KCNQ1: variants seen among roughly 807,000 people sequenced by gnomAD.
KCNQ1 encodes the protein potassium voltage-gated channel subfamily Q member 1.
In KCNQ1, 49 loss-of-function variants were observed where a neutral mutation model predicts 72.4. The ratio of observed to expected loss-of-function variants is 0.68; its 90% CI spans 0.54 to 0.86. The LOEUF is 0.86. KCNQ1 is among the 40% of genes least tolerant of loss of function. KCNQ1 has a pLI of 0.00. For missense variants in KCNQ1, 790 were observed against 945.1 expected (o/e 0.84, Z 2.15); for synonymous variants, 450 against 412.6 (o/e 1.09, Z -1.10).
intron 8 of KCNQ1, among the ~76,000 whole-genome samples, chr11:2,585,520 A>G (rs562936819): frequency 2.0e-4 from 30 of 152,330 alleles, no homozygotes; most frequent in Admixed American, 1.6e-3. Context: ...GCTCCCATCA[A>G]GGGCCATGCC....
At position 2,843,226 on chromosome 11, in the gene KCNQ1, C is replaced by G. The variant is rs1402071096; in HGVS notation, c.1795-4541C>G. Among the ~76,000 whole-genome samples, 6 of 152,244 alleles carry G rather than the reference C, an allele frequency of 3.9e-5. No homozygotes were observed. The East Asian group carries it at 1.2e-3, about 29-fold the overall frequency. ...CAAAGTCAAACACAATCGCTCCATG[C>G]CCTGCCACGAACCGCGACCTTACCA... On this transcript the variant is annotated intron_variant, in intron 15 of 15. Transcript: ENST00000155840.
In KCNQ1 at chr11:2,679,054, C is replaced by A. The variant is rs1445107594; in HGVS notation, c.1514+16973C>A. 1 of 398,608 alleles carries A rather than the reference C, an allele frequency of 2.5e-6. No homozygotes were observed. The highest frequency in any genetic ancestry group is 4.4e-6 in the Non-Finnish European group (1 of 226,064). 24.7% of individuals were successfully genotyped at this position (398,608 alleles called of 1,614,324 possible). A position where few individuals can be genotyped will look rare whatever the true frequency, so the allele number is the denominator to read the frequency against. The stretch of plus-strand genomic sequence containing the variant: ...AGCCCAGCCCCTCCTCCATACCAAC[C>A]ACCAAAAAAACCCACTAACACCATA... On this transcript the variant is annotated intron_variant, in intron 11 of 15. Coordinates refer to ENST00000155840, the MANE Select transcript of KCNQ1 (RefSeq NM_000218.3). This position sits in a 1 kb window ranked among gnomAD's most constrained non-coding sequence, Gnocchi z 4.8.
intron 1 of KCNQ1, among the ~76,000 whole-genome samples, chr11:2,523,439 A>G (rs1266724823): frequency 6.6e-6 from 1 of 152,042 alleles, no homozygotes; most frequent in Non-Finnish European, 1.5e-5. Flanking sequence ...TCCTCAGGCA[A>G]TCCTCCCGCC....
At chr11:2,835,194 G>A (rs984415080) in intron 15 of KCNQ1, among the ~76,000 whole-genome samples, 6 of 152,160 alleles carry the variant, frequency 3.9e-5, no homozygotes, top group African/African-American at 1.4e-4. Flanking sequence ...GAATAGCAGT[G>A]AGGTTGGACA....
intron 1 of KCNQ1, among the ~76,000 whole-genome samples, chr11:2,520,793 CT>C (rs374894643): frequency 6.0e-4 from 90 of 149,572 alleles, no homozygotes; most frequent in African/African-American, 1.7e-3. Flanking sequence ...CCCAGGATGA[CT>C]TTTTTTTTTA....
rs1195544504 is a variant in KCNQ1, at chr11:2,602,743, A to T, written c.1393+13889A>T. 6.6e-6 allele frequency among the ~76,000 whole-genome samples: 1 copy of T among 152,184 alleles called. No individual in the cohort carries two copies. Among genetic ancestry groups the T allele is most frequent in the Admixed American group, 6.5e-5 (1 of 15,284 alleles). ...ATTCTATGCAGTGAAATTCTTGTTG[A>T]TATCATTTTTCCATTTCCCAATTAG... On this transcript the variant is annotated intron_variant, in intron 10 of 15. Coordinates refer to ENST00000155840, the MANE Select transcript of KCNQ1 (RefSeq NM_000218.3). The surrounding 1 kb of genome is among the most constrained non-coding windows in gnomAD (Gnocchi z 4.8).
rs576600168 is a variant in KCNQ1 at position 2,654,920 on chromosome 11, A to G, written c.1394-7041A>G. ...TGTGCAAGGTCGTGGGCCAGAGAGCAAGGCACAGATACAGGAGACTTCCAC... is the reference window on the plus strand; with the variant it reads ...TGTGCAAGGTCGTGGGCCAGAGAGCGAGGCACAGATACAGGAGACTTCCAC... On this transcript the variant is annotated intron_variant, in intron 10 of 15. Coordinates refer to ENST00000155840, the MANE Select transcript of KCNQ1 (RefSeq NM_000218.3). The surrounding 1 kb of genome is among the most constrained non-coding windows in gnomAD (Gnocchi z 6.4). The G allele has an allele frequency of 5.0e-6, 2 of 398,644 alleles. No individual in the cohort carries two copies. The highest frequency in any genetic ancestry group is 4.1e-5 in the African/African-American group (2 of 48,722). The allele number at this position is 398,644 out of a possible 1,614,324, so 24.7% of individuals were successfully genotyped here.
In KCNQ1 at chr11:2,674,029, G is replaced by A; in HGVS notation, c.1514+11948G>A. ...CCGTGCTTTCTGGCTCTTTGGGCCTGGGGTGCAGCCCCTCATTTGTACTTG... is the reference window on the plus strand; with the variant it reads ...CCGTGCTTTCTGGCTCTTTGGGCCTAGGGTGCAGCCCCTCATTTGTACTTG... On this transcript the variant is annotated intron_variant, in intron 11 of 15. Transcript: ENST00000155840. This position sits in a 1 kb window ranked among gnomAD's most constrained non-coding sequence, Gnocchi z 5.9. 1 of 398,592 alleles carries A rather than the reference G, an allele frequency of 2.5e-6. No homozygotes were observed. Among genetic ancestry groups the A allele is most frequent in the Non-Finnish European group, 4.4e-6 (1 of 226,066 alleles). 24.7% of individuals were successfully genotyped at this position (398,592 alleles called of 1,614,324 possible).
Position 2,848,661 on chromosome 11 carries a change from T to A in KCNQ1, c.*658T>A, listed in dbSNP as rs986363892. 3.5e-5 allele frequency: 16 copies of A among 450,900 alleles called. No homozygotes were observed. Among genetic ancestry groups the A allele is most frequent in the African/African-American group, 2.8e-4 (14 of 49,958 alleles). 27.9% of individuals were successfully genotyped at this position (450,900 alleles called of 1,614,324 possible). A position where few individuals can be genotyped will look rare whatever the true frequency, so the allele number is the denominator to read the frequency against. On this transcript the variant is annotated 3_prime_UTR_variant, in exon 16 of 16. Coordinates refer to ENST00000155840, the MANE Select transcript of KCNQ1 (RefSeq NM_000218.3). Reference sequence around the variant, plus strand: ...GTGGTTGAGTGGGGGGAACGCCCACTTCCCTGGGTTAGACTGCCAGCTCTT... The same window carrying A: ...GTGGTTGAGTGGGGGGAACGCCCACATCCCTGGGTTAGACTGCCAGCTCTT...
intron 6 of KCNQ1, among the ~76,000 whole-genome samples, chr11:2,580,130 C>T (rs896254339): frequency 3.6e-4 from 55 of 152,206 alleles, no homozygotes; most frequent in Admixed American, 1.1e-3. Flanking sequence ...CCTGGGTTTG[C>T]TGGCGCCCCT....
chr11:2,546,511 G>A (rs1847904108), intron 2 of KCNQ1, among the ~76,000 whole-genome samples: 1 of 152,090 alleles, frequency 6.6e-6, no homozygotes, highest in African/African-American at 2.4e-5. Context: ...TACTGATTTT[G>A]TATCTACTTG....
chr11:2,693,031 C>A (rs1850614211), intron 11 of KCNQ1: 1 of 398,546 alleles, frequency 2.5e-6, no homozygotes, highest in African/African-American at 2.1e-5. Context: ...ACAGGAAGTC[C>A]TTTCTGGAGC....
At chr11:2,770,311 G>A (rs78387738) in intron 12 of KCNQ1, among the ~76,000 whole-genome samples, 2 of 152,220 alleles carry the variant, frequency 1.3e-5, no homozygotes, top group South Asian at 4.1e-4. Flanking sequence ...TTCCCCAGCT[G>A]TGAGGGGAAT....
Position 2,683,945 on chromosome 11 carries a change from A to G in KCNQ1, c.1514+21864A>G, listed in dbSNP as rs231357. 0.59 allele frequency: 233,805 copies of G among 397,796 alleles called. 73,480 individuals carry two copies. Among genetic ancestry groups the G allele is most frequent in the East Asian group, 1 (27,967 of 28,074 alleles). The allele number at this position is 397,796 out of a possible 1,614,324, so 24.6% of individuals were successfully genotyped here. On this transcript the variant is annotated intron_variant, in intron 11 of 15. Coordinates refer to ENST00000155840, the MANE Select transcript of KCNQ1 (RefSeq NM_000218.3). This position sits in a 1 kb window ranked among gnomAD's most constrained non-coding sequence, Gnocchi z 4.7. Reference sequence around the variant, plus strand: ...ACACGTTTCATAGTCAGACAAAACCAGCTGACTGCTTTTACTTTTTTTTTT... The same window carrying G: ...ACACGTTTCATAGTCAGACAAAACCGGCTGACTGCTTTTACTTTTTTTTTT...
intron 10 of KCNQ1, chr11:2,660,731 A>G: frequency 2.5e-6 from 1 of 398,630 alleles, no homozygotes; most frequent in Non-Finnish European, 4.4e-6. Context: ...TCAACACTTC[A>G]TTCAGGCATG....
At chr11:2,619,662 A>AG (rs1849130494) in intron 10 of KCNQ1, 1 of 395,812 alleles carries the variant, frequency 2.5e-6, no homozygotes, top group Non-Finnish European at 4.4e-6. Context: ...CTGGGTATCA[A>AG]GGTGATGCTG....
chr11:2,470,774 G>C lies in KCNQ1; in HGVS notation c.386+25290G>C, dbSNP rs150728057. 1.7e-3 allele frequency among the ~76,000 whole-genome samples: 255 copies of C among 151,828 alleles called. 1 individual carries two copies. The highest frequency in any genetic ancestry group is 6.0e-3 in the African/African-American group (249 of 41,360). On this transcript the variant is annotated intron_variant, in intron 1 of 15. Coordinates refer to ENST00000155840, the MANE Select transcript of KCNQ1 (RefSeq NM_000218.3). ...AGACTGGTCTCAAAACCCTGGTCTC[G>C]ATCAATCCTCCCACCTCAGCCTCCC...
intron 15 of KCNQ1, among the ~76,000 whole-genome samples, chr11:2,798,420 A>C (rs1349245195): frequency 6.6e-6 from 1 of 152,136 alleles, no homozygotes; most frequent in African/African-American, 2.4e-5. Context: ...CTTCCTTGGG[A>C]TCCTCAGCCG....
At position 2,647,385 on chromosome 11, in the gene KCNQ1, G is replaced by A; in HGVS notation, c.1394-14576G>A. ...GATTGGATTCAGATTGCTAGTTTGT[G>A]TGTCTGTGTGTGTGTTTTGTTTCTG... On this transcript the variant is annotated intron_variant, in intron 10 of 15. Transcript: ENST00000155840. The surrounding 1 kb of genome is among the most constrained non-coding windows in gnomAD (Gnocchi z 4.0). 2.5e-6 allele frequency: 1 copy of A among 398,550 alleles called. No individual in the cohort carries two copies. Among genetic ancestry groups the A allele is most frequent in the Admixed American group, 4.4e-5 (1 of 22,730 alleles). The allele number at this position is 398,550 out of a possible 1,614,324, so 24.7% of individuals were successfully genotyped here.
Sources: gnomAD v4.1 joint callset for allele counts (sites outside exome capture counted in the v4.1 genomes callset) on GRCh38, gnomAD v4.1.1 for gene constraint, Gnocchi (gnomAD v3.1) non-coding constraint, MANE v1.5 for transcripts, NCBI Gene and HGNC (gene_info 2026-07-23, HGNC 2026-07-21) for gene names.